TGFBR3: variants seen among roughly 807,000 people sequenced by gnomAD.
The protein encoded by TGFBR3 is transforming growth factor beta receptor type 3.
Under a neutral mutation model 87.9 loss-of-function variants are expected in TGFBR3, and 46 were observed. That is an observed-to-expected ratio of 0.52 (90% CI 0.41 to 0.67). The LOEUF (loss-of-function observed/expected upper bound fraction) is 0.67. Among genes scored for constraint, TGFBR3 ranks in the 30% least tolerant of loss-of-function variants. TGFBR3 has a pLI of 0.00. For synonymous variants in TGFBR3, 381 were observed against 391.6 expected (o/e 0.97, Z 0.32); for missense variants, 866 against 1,041.9 (o/e 0.83, Z 2.32).
At chr1:91,847,937 C>T (rs1163088473) in intron 2 of TGFBR3, among the ~76,000 whole-genome samples, 2 of 152,146 alleles carry the variant, frequency 1.3e-5, no homozygotes, top group South Asian at 2.1e-4. Context: ...ATGGTGGGGG[C>T]GGGAAGAATT....
At chr1:91,734,738 C>T (rs763602613) in intron 5 of TGFBR3, 38 bp downstream of exon 5, 9 of 1,607,440 alleles carry the variant, frequency 5.6e-6, no homozygotes, top group Non-Finnish European at 7.7e-6. Flanking sequence ...AATTGCCTGT[C>T]ATAAATCAGT....
rs778176089 is a variant in TGFBR3, at chr1:91,695,627, G to A, written c.2437+45C>T. 22 of 1,457,166 alleles carry A rather than the reference G, an allele frequency of 1.5e-5. No homozygotes were observed. The East Asian group carries it at 4.3e-4, about 29-fold the overall frequency. 90.3% of individuals were successfully genotyped at this position (1,457,166 alleles called of 1,614,324 possible). On this transcript the variant is annotated intron_variant, in intron 16 of 16. Coordinates refer to ENST00000212355, the MANE Select transcript of TGFBR3 (RefSeq NM_003243.5). ...AACACTGAGTGTCTATTGTGTGGCA[G>A]GAACACAAGCTGTTCACCAACTCTT...
intron 2 of TGFBR3, among the ~76,000 whole-genome samples, chr1:91,854,990 T>C (rs930175049): frequency 6.6e-6 from 1 of 152,188 alleles, no homozygotes; most frequent in Non-Finnish European, 1.5e-5. Flanking sequence ...AATATGGTAT[T>C]ATTAGCCTCT....
intron 7 of TGFBR3, among the ~76,000 whole-genome samples, chr1:91,726,663 G>A (rs950171059): frequency 6.6e-6 from 1 of 151,784 alleles, no homozygotes; most frequent in African/African-American, 2.4e-5. Flanking sequence ...TGCTCACTGT[G>A]GTATCACATG....
intron 14 of TGFBR3, among the ~76,000 whole-genome samples, chr1:91,700,664 T>G (rs1342053553): frequency 1.3e-5 from 2 of 152,230 alleles, no homozygotes; most frequent in African/African-American, 2.4e-5. Context: ...TAATTCAGTA[T>G]GCAGAACACA....
chr1:91,752,263 A>G (rs902402843), intron 4 of TGFBR3, among the ~76,000 whole-genome samples: 2 of 152,226 alleles, frequency 1.3e-5, no homozygotes, highest in African/African-American at 4.8e-5. Context: ...GCACACTAAC[A>G]AAATGATTTG....
chr1:91,685,890 C>T (rs963131854), intron 16 of TGFBR3, among the ~76,000 whole-genome samples: 2 of 152,184 alleles, frequency 1.3e-5, no homozygotes, highest in African/African-American at 4.8e-5. Flanking sequence ...CCTTACAAAC[C>T]ACATGTTGGT....
chr1:91,730,064 G>T, intron 5 of TGFBR3, 91 bp from the exon 6 acceptor site: 1 of 1,412,016 alleles, frequency 7.1e-7, no homozygotes, highest in Non-Finnish European at 1.0e-6. Flanking sequence ...CTGAGCAAAT[G>T]GCAGACACAG....
chr1:91,888,421 G>A (rs1266237165), upstream of TGFBR3, among the ~76,000 whole-genome samples: 2 of 152,118 alleles, frequency 1.3e-5, no homozygotes, highest in Non-Finnish European at 2.9e-5. Flanking sequence ...TAAATGCATC[G>A]GCCAGGTGAG....
chr1:91,884,719 G>A (rs1309824159), intron 1 of TGFBR3, among the ~76,000 whole-genome samples: 1 of 152,226 alleles, frequency 6.6e-6, no homozygotes, highest in Admixed American at 6.5e-5. Flanking sequence ...TGAGGATTAA[G>A]TGCACACAGT....
intron 2 of TGFBR3, among the ~76,000 whole-genome samples, chr1:91,808,657 G>A (rs149456517): frequency 4.2e-4 from 64 of 152,120 alleles, no homozygotes; most frequent in African/African-American, 1.4e-3. Flanking sequence ...GTAGAGATGG[G>A]GTTTCACCAT....
At chr1:91,741,818 T>G (rs912206597) in intron 4 of TGFBR3, among the ~76,000 whole-genome samples, 2 of 152,172 alleles carry the variant, frequency 1.3e-5, no homozygotes, top group African/African-American at 4.8e-5. Context: ...ACCAAACTGT[T>G]GCAGTAACTT....
At chr1:91,686,727 G>C (rs974884490) in intron 16 of TGFBR3, among the ~76,000 whole-genome samples, 1 of 152,196 alleles carries the variant, frequency 6.6e-6, no homozygotes, top group Non-Finnish European at 1.5e-5. Flanking sequence ...TTTCTGAGAT[G>C]GGTCTTTGGC....
chr1:91,719,911 T>A lies in TGFBR3; in HGVS notation c.1395A>T (p.Val465=), dbSNP rs1350433792. Residue 465 remains valine (V), a synonymous_variant, in exon 9 of 17, where the codon GTA becomes GTT. Transcript: ENST00000212355. ...KCDNEKMIVA[V]EKDSFQASGY... ...CACCGACCTGAAAAGAATCTTTTTC[T>A]ACAGCCACGATCATCTTCTCATTGT... is the stretch of plus-strand genomic sequence containing the variant. The A allele has an allele frequency of 9.9e-6, 16 of 1,614,230 alleles. No individual in the cohort carries two copies. The highest frequency in any genetic ancestry group is 1.4e-5 in the Non-Finnish European group (16 of 1,180,034).
At chr1:91,687,779 G>T (rs1671138100) in intron 16 of TGFBR3, among the ~76,000 whole-genome samples, 1 of 152,162 alleles carries the variant, frequency 6.6e-6, no homozygotes, top group African/African-American at 2.4e-5. Context: ...GGATTGGTTA[G>T]TTATAGAGGG....
chr1:91,709,374 C>G (rs1359440901), intron 13 of TGFBR3, among the ~76,000 whole-genome samples: 1 of 152,176 alleles, frequency 6.6e-6, no homozygotes, highest in Admixed American at 6.5e-5. Flanking sequence ...TATTTCATAA[C>G]AAAGTGTTGA....
chr1:91,891,252 C>T (rs368087351), intron 2 of TGFBR3, among the ~76,000 whole-genome samples: 2 of 151,210 alleles, frequency 1.3e-5, no homozygotes, highest in African/African-American at 4.9e-5. Flanking sequence ...CCTGTAATCC[C>T]AGTACTTGGG....
chr1:91,781,691 T>C (rs1674773596), intron 3 of TGFBR3, among the ~76,000 whole-genome samples: 1 of 152,142 alleles, frequency 6.6e-6, no homozygotes. Flanking sequence ...AAATTGCCCT[T>C]GTACATTGCT....
chr1:91,840,086 G>T (rs1320927345), intron 2 of TGFBR3, among the ~76,000 whole-genome samples: 2 of 151,824 alleles, frequency 1.3e-5, no homozygotes, highest in Admixed American at 1.3e-4. Flanking sequence ...CAGGCAGGTG[G>T]ATCACCTGAG....
Sources: gnomAD v4.1 joint callset for allele counts (sites outside exome capture counted in the v4.1 genomes callset) on GRCh38, gnomAD v4.1.1 for gene constraint, MANE v1.5 for transcripts, NCBI Gene and HGNC (gene_info 2026-07-23, HGNC 2026-07-21) for gene names.